The following ATP8B3 variants were observed in gnomAD, a reference collection of about 807,000 sequenced individuals.
ATP8B3 encodes the protein phospholipid-transporting ATPase IK.
Under a neutral mutation model 140.9 loss-of-function variants are expected in ATP8B3, and 141 were observed. The observed-to-expected ratio is 1.00, with a 90% CI of 0.87 to 1.15. ATP8B3 has a LOEUF of 1.15. ATP8B3 is among the 50% of genes most tolerant of loss of function. The pLI, the probability that ATP8B3 is intolerant of heterozygous loss-of-function variation, is 0.00. For missense variants in ATP8B3, 1,874 were observed against 1,740.6 expected, an observed-to-expected ratio of 1.08 and a Z score of -1.36; for synonymous variants, 765 against 714.6, an observed-to-expected ratio of 1.07 and a Z score of -1.13.
chr19:1,800,319 A>G lies in ATP8B3; in HGVS notation c.1283T>C (p.Phe428Ser). Residue 428 changes from phenylalanine (F) to serine (S), a missense_variant, in exon 13 of 29, where the codon TTC becomes TCC. By Grantham distance (155) the Phe-to-Ser change is radical. Around this residue, in one of 3 missense-constraint regions of ATP8B3, gnomAD observed 1,032 missense variants for 963.6 expected, o/e 1.07. Coordinates refer to ENST00000310127, the MANE Select transcript of ATP8B3 (RefSeq NM_138813.4). The surrounding 1 kb of genome is among the most constrained non-coding windows in gnomAD (Gnocchi z 4.4). ...CAGGATGAGGAAGCTCCAGAAGACGAAGAAGGACTCTGCGGCCACGCTGCT... is the reference window on the plus strand; with the variant it reads ...CAGGATGAGGAAGCTCCAGAAGACGGAGAAGGACTCTGCGGCCACGCTGCT... ...HGSSVAAESF[F>S]VFWSFLILLS... 2 of 1,612,886 alleles carry G rather than the reference A, an allele frequency of 1.2e-6. No individual in the cohort carries two copies. Among genetic ancestry groups the G allele is most frequent in the Non-Finnish European group, 1.7e-6 (2 of 1,179,818 alleles).
intron 21 of ATP8B3, 39 bp from the exon 22 acceptor site, chr19:1,790,028 G>A: frequency 1.4e-6 from 2 of 1,481,222 alleles, no homozygotes; most frequent in Non-Finnish European, 1.9e-6. Context: ...GGGAGGGGGC[G>A]GGCTTCTCCC....
intron 18 of ATP8B3, among the ~76,000 whole-genome samples, chr19:1,792,663 G>A (rs577012181): frequency 7.8e-4 from 119 of 151,638 alleles, no homozygotes; most frequent in African/African-American, 2.5e-3. Flanking sequence ...TGTAATCCCA[G>A]CACTTTGGGA....
rs774381559 is a variant in ATP8B3, at chr19:1,795,828, CACACACACACACACACACAT to C, written c.2055+27_2055+46del. ...ACACACACACACACACACACACACA[CACACACACACACACACACAT>C]AAGCCAGCCTTCCTGAAGGGACTCA... On this transcript the variant is annotated intron_variant, in intron 18 of 28. Transcript: ENST00000310127. 1.9e-5 allele frequency: 25 copies of C among 1,328,742 alleles called. No homozygotes were observed. The African/African-American group carries it at 2.1e-4, about 11-fold the overall frequency. The allele number at this position is 1,328,742 out of a possible 1,614,324, so 82.3% of individuals were successfully genotyped here. A position where few individuals can be genotyped will look rare whatever the true frequency, so the allele number is the denominator to read the frequency against.
At chr19:1,811,440 G>C (rs990512102) in intron 2 of ATP8B3, 49 bp downstream of exon 2, 11 of 1,570,554 alleles carry the variant, frequency 7.0e-6, no homozygotes, top group Non-Finnish European at 7.8e-6. Context: ...TGCCCTCCCC[G>C]CCAAGCCCCT....
In ATP8B3 at chr19:1,797,788, C is replaced by T. The variant is rs116345175; in HGVS notation, c.1553-783G>A. ...GTGCTGGGATTACAGGCGTAGCCAC[C>T]GCACCCAGCCACTTTTTATGCTTTA... On this transcript the variant is annotated intron_variant, in intron 14 of 28. Transcript: ENST00000310127. Among the ~76,000 whole-genome samples the T allele has an allele frequency of 2.0e-3, 306 of 151,954 alleles. 4 individuals carry two copies. Among genetic ancestry groups the T allele is most frequent in the African/African-American group, 6.2e-3 (255 of 41,342 alleles).
rs755138497 is a variant in ATP8B3, at chr19:1,790,803, C to T, written c.2332G>A (p.Glu778Lys). 5 of 1,605,424 alleles carry T rather than the reference C, an allele frequency of 3.1e-6. No homozygotes were observed. Among genetic ancestry groups the T allele is most frequent in the East Asian group, 4.5e-5 (2 of 44,514 alleles). Residue 778 changes from glutamate (E) to lysine (K), a missense_variant, in exon 21 of 29, where the codon GAG becomes AAG. By Grantham distance (56) the Glu-to-Lys change is moderately conservative. Coordinates refer to ENST00000310127, the MANE Select transcript of ATP8B3 (RefSeq NM_138813.4). ...ATGAGCATATTCTCTGACAGCAGCTCGCAGGCGAAGCCGATGTTCACAGCC... is the reference window on the plus strand; with the variant it reads ...ATGAGCATATTCTCTGACAGCAGCTTGCAGGCGAAGCCGATGTTCACAGCC... ...ETAVNIGFACELLSENMLILE... is the reference protein window; with the variant it reads ...ETAVNIGFACKLLSENMLILE...
chr19:1,805,742 C>T lies in ATP8B3; in HGVS notation c.821+146G>A. The T allele has an allele frequency of 1.0e-6, 1 of 961,952 alleles. No individual in the cohort carries two copies. Among genetic ancestry groups the T allele is most frequent in the Non-Finnish European group, 1.6e-6 (1 of 638,030 alleles). 59.6% of individuals were successfully genotyped at this position (961,952 alleles called of 1,614,324 possible). Reference sequence around the variant, plus strand: ...TCTTCCTCCCCTCAGTGCCTGGCAGCACCCACGCCCCAGACACTCATGGGG... The same window carrying T: ...TCTTCCTCCCCTCAGTGCCTGGCAGTACCCACGCCCCAGACACTCATGGGG... On this transcript the variant is annotated intron_variant, in intron 9 of 28. Transcript: ENST00000310127. The surrounding 1 kb of genome is among the most constrained non-coding windows in gnomAD (Gnocchi z 5.2).
chr19:1,791,815 G>A lies in ATP8B3; in HGVS notation c.2237C>T (p.Pro746Leu). Residue 746 changes from proline (P) to leucine (L), a missense_variant, in exon 20 of 29, where the codon CCT (proline) becomes CTT (leucine). Pro to Leu is a moderately conservative substitution (Grantham distance 98, BLOSUM62 -3). Around this residue, in one of 3 missense-constraint regions of ATP8B3, gnomAD observed 840 missense variants for 760.9 expected, o/e 1.10. Coordinates refer to ENST00000310127, the MANE Select transcript of ATP8B3 (RefSeq NM_138813.4). The stretch of plus-strand genomic sequence containing the variant: ...CTTCTTGAGACATTTGATGGTTTCA[G>A]GGACACCGTCCTGGAGTCTGTCCTC... ...AIEDRLQDGV[P>L]ETIKCLKKSN... is the part of the protein sequence containing the mutation. The A allele has an allele frequency of 6.2e-7, 1 of 1,611,824 alleles. No homozygotes were observed. Among genetic ancestry groups the A allele is most frequent in the Non-Finnish European group, 8.5e-7 (1 of 1,179,834 alleles).
intron 14 of ATP8B3, 39 bp from the exon 15 acceptor site, chr19:1,797,044 GC>G: frequency 3.1e-6 from 5 of 1,612,602 alleles, no homozygotes; most frequent in Non-Finnish European, 4.2e-6. Context: ...GCTCCCACAG[GC>G]CCCCCATTCG....
intron 27 of ATP8B3, 29 bp downstream of exon 27, chr19:1,785,130 G>A (rs991671424): frequency 1.2e-5 from 18 of 1,520,822 alleles, no homozygotes; most frequent in Middle Eastern, 1.8e-4. Flanking sequence ...CACCACGACC[G>A]CCCGTCCCAC....
Position 1,805,283 on chromosome 19 carries a change from G to T in ATP8B3, c.904+91C>A, listed in dbSNP as rs1425920787. 7.6e-7 allele frequency: 1 copy of T among 1,319,574 alleles called. No homozygotes were observed. Among genetic ancestry groups the T allele is most frequent in the Non-Finnish European group, 1.1e-6 (1 of 938,656 alleles). The allele number at this position is 1,319,574 out of a possible 1,614,324, so 81.7% of individuals were successfully genotyped here. On this transcript the variant is annotated intron_variant, in intron 10 of 28. Transcript: ENST00000310127. The surrounding 1 kb of genome is among the most constrained non-coding windows in gnomAD (Gnocchi z 5.2). ...AGCCACTGGGCCTGGCCAGCACCTT[G>T]TTTTAAAAACAGTAATAACAACAAC...
chr19:1,808,946 G>A (rs572065558), intron 4 of ATP8B3, among the ~76,000 whole-genome samples: 12 of 152,308 alleles, frequency 7.9e-5, no homozygotes, highest in African/African-American at 2.4e-4. Context: ...GTCAAGGTGG[G>A]TGGATCACTT....
In ATP8B3 at chr19:1,784,710, G is replaced by A. The variant is rs577403504; in HGVS notation, c.3660+109C>T. ...CCCTTCCCCCAAGCCTAGTGTCTTG[G>A]AGGGCCGAGAGGGGCCGGGACACCT... On this transcript the variant is annotated intron_variant, in intron 28 of 28. Coordinates refer to ENST00000310127, the MANE Select transcript of ATP8B3 (RefSeq NM_138813.4). The A allele has an allele frequency of 1.8e-4, 247 of 1,381,552 alleles. No homozygotes were observed. In the African/African-American group the frequency reaches 3.1e-3, roughly 17 times the overall value. 85.6% of individuals were successfully genotyped at this position (1,381,552 alleles called of 1,614,324 possible).
At chr19:1,801,339 C>CGGG (rs1032659182) in intron 12 of ATP8B3, among the ~76,000 whole-genome samples, 1 of 151,994 alleles carries the variant, frequency 6.6e-6, no homozygotes, top group Non-Finnish European at 1.5e-5. Context: ...TCTGTAGAGA[C>CGGG]GGGGTTTCAC....
At chr19:1,795,277 C>T (rs1309895135) in intron 18 of ATP8B3, among the ~76,000 whole-genome samples, 4 of 150,680 alleles carry the variant, frequency 2.7e-5, no homozygotes, top group African/African-American at 7.3e-5. Flanking sequence ...GCAGGCTGGG[C>T]GCGATGGCTC....
At chr19:1,787,262 G>T in intron 24 of ATP8B3, 76 bp from the exon 25 acceptor site, 1 of 1,299,224 alleles carries the variant, frequency 7.7e-7, no homozygotes, top group Non-Finnish European at 1.1e-6. Flanking sequence ...AGGCACCCAG[G>T]GAGGGTTCTG....
chr19:1,796,169 G>C lies in ATP8B3; in HGVS notation c.1850C>G (p.Thr617Ser). The C allele has an allele frequency of 6.2e-7, 1 of 1,612,970 alleles. No individual in the cohort carries two copies. Among genetic ancestry groups the C allele is most frequent in the Non-Finnish European group, 8.5e-7 (1 of 1,179,872 alleles). The change falls in exon 17 of 29, where the codon ACC becomes AGC. Residue 617 changes from threonine (T) to serine (S), a missense_variant. Physicochemically the swap from Thr to Ser is moderately conservative, Grantham distance 58 (BLOSUM62 1). Transcript: ENST00000310127. ...CTCCCCCAGCTCCATGATCGTGACG[G>C]TGTCCTGGGTGCGGGACAGGAACAC... ...GYVFLSRTQD[T>S]VTIMELGEER... is the part of the protein sequence containing the mutation.
At chr19:1,802,069 A>ATCCC in intron 11 of ATP8B3, 25 bp from the exon 12 acceptor site, 1 of 1,112,374 alleles carries the variant, frequency 9.0e-7, no homozygotes, top group Non-Finnish European at 1.2e-6. Context: ...CCATCTATCC[A>ATCCC]CCCACCCACC....
At position 1,793,276 on chromosome 19, in the gene ATP8B3, TA is replaced by T. The variant is rs60120232; in HGVS notation, c.2056-1142del. Among the ~76,000 whole-genome samples the T allele has an allele frequency of 3.7e-3, 566 of 152,076 alleles. 7 individuals are homozygous for T. Among genetic ancestry groups the T allele is most frequent in the African/African-American group, 0.013 (539 of 41,472 alleles). ...CGGCTAATTTCTTTGTATATATATA[TA>T]TTTTTTAAATAGAGGTGGTTTCACC... On this transcript the variant is annotated intron_variant, in intron 18 of 28. Coordinates refer to ENST00000310127, the MANE Select transcript of ATP8B3 (RefSeq NM_138813.4).
Sources: allele counts gnomAD v4.1 joint callset (sites outside exome capture counted in the v4.1 genomes callset), GRCh38; gene constraint gnomAD v4.1.1; regional missense constraint gnomAD v4.1.1; non-coding constraint Gnocchi (gnomAD v3.1); transcripts MANE v1.5; gene names NCBI Gene and HGNC (gene_info 2026-07-23, HGNC 2026-07-21).